The following SIK2 variants were observed in gnomAD, a reference collection of about 807,000 sequenced individuals.
SIK2 encodes salt inducible kinase 2, also known as serine/threonine-protein kinase SIK2.
Under a neutral mutation model 103.2 loss-of-function variants are expected in SIK2, and 29 were observed. The observed-to-expected ratio is 0.28, with a 90% CI of 0.21 to 0.38. The LOEUF (loss-of-function observed/expected upper bound fraction) is 0.38, where lower values mean the gene tolerates loss of function less well. Ranked by LOEUF, SIK2 falls within the 10% of genes least tolerant of loss-of-function variation. SIK2 has a pLI of 1.00. For missense variants in SIK2, 879 were observed against 1,171.0 expected (o/e 0.75, Z 3.64); for synonymous variants, 412 against 446.1 (o/e 0.92, Z 0.96).
intron 3 of SIK2, among the ~76,000 whole-genome samples, chr11:111,676,274 C>T (rs1485173741): frequency 6.6e-6 from 1 of 152,296 alleles, no homozygotes. Context: ...TGGGCATATA[C>T]CCAGTCATGG....
intron 10 of SIK2, 151 bp from the exon 11 acceptor site, chr11:111,720,327 A>C (rs1943763414): frequency 1.2e-6 from 1 of 833,202 alleles, no homozygotes; most frequent in African/African-American, 1.7e-5. Flanking sequence ...GAAGATGACT[A>C]AATTGGCCAG....
intron 3 of SIK2, among the ~76,000 whole-genome samples, chr11:111,662,770 T>TG (rs1050290399): frequency 6.6e-6 from 1 of 151,042 alleles, no homozygotes; most frequent in African/African-American, 2.4e-5. Flanking sequence ...CCCAGTTACT[T>TG]GGGGGGCTGA....
intron 1 of SIK2, among the ~76,000 whole-genome samples, chr11:111,604,539 A>G (rs1163317554): frequency 6.6e-6 from 1 of 152,204 alleles, no homozygotes; most frequent in Non-Finnish European, 1.5e-5. Flanking sequence ...GAGGTTGACA[A>G]TTCAAATGGT....
intron 3 of SIK2, among the ~76,000 whole-genome samples, chr11:111,669,162 CA>C (rs1196088146): frequency 6.6e-6 from 1 of 152,162 alleles, no homozygotes; most frequent in Non-Finnish European, 1.5e-5. Context: ...TGCTTCCAAG[CA>C]GATCTCATTT....
rs1943258916 is a variant in SIK2 at position 111,703,244 on chromosome 11, T to C, written c.769T>C (p.Ser257Pro). Residue 257 changes from serine (S) to proline (P), a missense_variant, in exon 7 of 15, where the codon TCC becomes CCC. Ser to Pro is a moderately conservative substitution (Grantham distance 74). Around this residue, in one of 7 missense-constraint regions of SIK2, gnomAD observed 99 missense variants for 153.9 expected, o/e 0.64. Coordinates refer to ENST00000304987, the MANE Select transcript of SIK2 (RefSeq NM_015191.3). ...CCGAAGGATGTTGGTCCTAGACCCA[T>C]CCAAACGGCTAACCATAGCCCAAAT... ...LIRRMLVLDPSKRLTIAQIKE... is the reference protein window; with the variant it reads ...LIRRMLVLDPPKRLTIAQIKE... 6.2e-7 allele frequency: 1 copy of C among 1,614,162 alleles called. No individual in the cohort carries two copies.
At chr11:111,686,050 A>C (rs1942841504) in intron 3 of SIK2, among the ~76,000 whole-genome samples, 3 of 152,244 alleles carry the variant, frequency 2.0e-5, no homozygotes, top group Admixed American at 6.5e-5. Flanking sequence ...GGAATTGAGT[A>C]ATAGTTATCA....
intron 1 of SIK2, among the ~76,000 whole-genome samples, chr11:111,612,655 C>A (rs971434772): frequency 6.6e-6 from 1 of 152,104 alleles, no homozygotes; most frequent in African/African-American, 2.4e-5. Flanking sequence ...GGAATGGAGA[C>A]CGCCTTCAGG....
In SIK2 at chr11:111,721,072, T is replaced by G. The variant is rs564641226; in HGVS notation, c.1944+10T>G. 2 of 1,606,330 alleles carry G rather than the reference T, an allele frequency of 1.2e-6. No homozygotes were observed. The highest frequency in any genetic ancestry group is 1.7e-6 in the Non-Finnish European group (2 of 1,177,486). ...TAGCAGCTGCCCTCAGGTGGGTACC[T>G]TGGGCCCTTCCCTCAATGGCTCTGT... is the stretch of plus-strand genomic sequence containing the variant. On this transcript the variant is annotated intron_variant, in intron 12 of 14. Transcript: ENST00000304987.
In SIK2 at chr11:111,602,463, C is replaced by A; in HGVS notation, c.-101C>A. The A allele has an allele frequency of 7.8e-7, 1 of 1,284,078 alleles. No homozygotes were observed. The highest frequency in any genetic ancestry group is 1.0e-6 in the Non-Finnish European group (1 of 991,288). The allele number at this position is 1,284,078 out of a possible 1,614,324, so 79.5% of individuals were successfully genotyped here. ...GAGCGGGAGGGAAGGAGCGAAGGAG[C>A]GAAGGAGCAAGCGGAGCGGCCGTCG... On this transcript the variant is annotated 5_prime_UTR_variant, in exon 1 of 15. Transcript: ENST00000304987. The surrounding 1 kb of genome is among the most constrained non-coding windows in gnomAD (Gnocchi z 4.5).
Position 111,705,116 on chromosome 11 carries a change from A to G in SIK2, c.1078A>G (p.Ile360Val). 6.3e-7 allele frequency: 1 copy of G among 1,578,480 alleles called. No individual in the cohort carries two copies. Among genetic ancestry groups the G allele is most frequent in the Non-Finnish European group, 8.6e-7 (1 of 1,169,094 alleles). ...LDGRQRRPSTIAEQTVAKAQT... is the reference protein window; with the variant it reads ...LDGRQRRPSTVAEQTVAKAQT... Reference sequence around the variant, plus strand: ...TGGCCGCCAGCGTCGGCCTAGCACCATTGCTGAGCAAACAGTTGCCAAGGT... The same window carrying G: ...TGGCCGCCAGCGTCGGCCTAGCACCGTTGCTGAGCAAACAGTTGCCAAGGT... The change falls in exon 8 of 15, where the codon ATT (isoleucine) becomes GTT (valine). Residue 360 changes from isoleucine to valine, a missense_variant. This residue lies in a region of SIK2 where 99 missense variants were observed against 153.9 expected (regional missense o/e 0.64). Coordinates refer to ENST00000304987, the MANE Select transcript of SIK2 (RefSeq NM_015191.3). The surrounding 1 kb of genome is among the most constrained non-coding windows in gnomAD (Gnocchi z 4.3).
intron 4 of SIK2, among the ~76,000 whole-genome samples, chr11:111,689,242 T>C (rs1942892445): frequency 6.6e-6 from 1 of 152,224 alleles, no homozygotes; most frequent in South Asian, 2.1e-4. Context: ...TCAAAGATTT[T>C]ATAGTTTATT....
At chr11:111,634,414 C>T (rs918956793) in intron 3 of SIK2, among the ~76,000 whole-genome samples, 3 of 151,984 alleles carry the variant, frequency 2.0e-5, no homozygotes, top group Admixed American at 6.6e-5. Context: ...GAAGGTTTTT[C>T]GCACTTTATT....
At chr11:111,647,309 T>C (rs894337445) in intron 3 of SIK2, among the ~76,000 whole-genome samples, 2 of 152,142 alleles carry the variant, frequency 1.3e-5, no homozygotes, top group Non-Finnish European at 2.9e-5. Context: ...TGAGATTGCC[T>C]GGCCAAAGTT....
chr11:111,647,742 C>G (rs1591600276), intron 3 of SIK2, among the ~76,000 whole-genome samples: 2 of 151,770 alleles, frequency 1.3e-5, no homozygotes, highest in South Asian at 4.2e-4. Flanking sequence ...GTGGCAGGCA[C>G]CTGTAGTCCC....
At chr11:111,609,560 A>G (rs910232942) in intron 1 of SIK2, among the ~76,000 whole-genome samples, 1 of 152,350 alleles carries the variant, frequency 6.6e-6, no homozygotes, top group Middle Eastern at 3.4e-3. Context: ...TGGCTCAAAC[A>G]GCCCTCCCAC....
intron 3 of SIK2, among the ~76,000 whole-genome samples, chr11:111,638,025 A>G (rs762963454): frequency 1.3e-5 from 2 of 152,194 alleles, no homozygotes; most frequent in Non-Finnish European, 2.9e-5. Flanking sequence ...GAGCCAGTAG[A>G]AGGGATTTTT....
At chr11:111,675,929 A>G (rs1273589106) in intron 3 of SIK2, among the ~76,000 whole-genome samples, 1 of 152,018 alleles carries the variant, frequency 6.6e-6, no homozygotes, top group Non-Finnish European at 1.5e-5. Flanking sequence ...AGTAGACCCC[A>G]TTGTCTTTCT....
chr11:111,679,436 T>C (rs2135886744), intron 3 of SIK2, among the ~76,000 whole-genome samples: 1 of 152,336 alleles, frequency 6.6e-6, no homozygotes, highest in South Asian at 2.1e-4. Context: ...TGCCAGAGTA[T>C]ACACAAGCAA....
At chr11:111,654,486 T>A (rs2135865990) in intron 3 of SIK2, among the ~76,000 whole-genome samples, 1 of 152,348 alleles carries the variant, frequency 6.6e-6, no homozygotes, top group East Asian at 1.9e-4. Flanking sequence ...CCTAATTCTT[T>A]TTCTTATTTC....
Sources: gnomAD v4.1 joint callset for allele counts (sites outside exome capture counted in the v4.1 genomes callset) on GRCh38, gnomAD v4.1.1 for gene constraint, gnomAD v4.1.1 regional missense constraint, Gnocchi (gnomAD v3.1) non-coding constraint, MANE v1.5 for transcripts, NCBI Gene and HGNC (gene_info 2026-07-23, HGNC 2026-07-21) for gene names.